ATP2C1: variants seen among roughly 807,000 people sequenced by gnomAD.
The protein encoded by ATP2C1 is ATPase secretory pathway Ca2+ transporting 1, also known as calcium-transporting ATPase type 2C member 1.
Under a neutral mutation model 120.5 loss-of-function variants are expected in ATP2C1, and 31 were observed. The observed-to-expected ratio is 0.26, with a 90% CI of 0.19 to 0.35. The LOEUF is 0.35. Among genes scored for constraint, ATP2C1 ranks in the 10% least tolerant of loss-of-function variants. ATP2C1 has a pLI of 1.00. For missense variants in ATP2C1, 731 were observed against 1,107.5 expected (o/e 0.66, Z 4.83); for synonymous variants, 351 against 358.7 (o/e 0.98, Z 0.24).
chr3:130,937,620 A>C (rs1011759924), intron 6 of ATP2C1, among the ~76,000 whole-genome samples, 157 bp downstream of exon 6: 2 of 152,184 alleles, frequency 1.3e-5, no homozygotes, highest in Non-Finnish European at 2.9e-5. Context: ...ACAACTCTTC[A>C]GGGAAGCTTG....
At chr3:130,931,649 G>C (rs1446732702) in intron 3 of ATP2C1, among the ~76,000 whole-genome samples, 1 of 151,970 alleles carries the variant, frequency 6.6e-6, no homozygotes, top group Non-Finnish European at 1.5e-5. Context: ...AATTTTGTTT[G>C]TTTGGTAAAC....
In ATP2C1 at chr3:131,001,827, T is replaced by C; in HGVS notation, c.*477T>C. On this transcript the variant is annotated 3_prime_UTR_variant, in exon 28 of 28. Transcript: ENST00000510168. ...CCCAGGAGTGCCATATTTCAGCTAC[T>C]GTATTTCCTTTTTCTTGTAATGTAA... 1 of 986,176 alleles carries C rather than the reference T, an allele frequency of 1.0e-6. No homozygotes were observed. Among genetic ancestry groups the C allele is most frequent in the Non-Finnish European group, 1.2e-6 (1 of 830,214 alleles). The allele number at this position is 986,176 out of a possible 1,614,324, so 61.1% of individuals were successfully genotyped here. A position where few individuals can be genotyped will look rare whatever the true frequency, so the allele number is the denominator to read the frequency against.
chr3:131,002,232 A>C lies in ATP2C1; in HGVS notation c.*882A>C. ...TCAAATATCATTTTGTCATCCTCTA[A>C]ATATAAATCCAAATACCTCAGCTAA... On this transcript the variant is annotated 3_prime_UTR_variant, in exon 28 of 28. Coordinates refer to ENST00000510168, the MANE Select transcript of ATP2C1 (RefSeq NM_001378687.1). 1 of 967,376 alleles carries C rather than the reference A, an allele frequency of 1.0e-6. No individual in the cohort carries two copies. The highest frequency in any genetic ancestry group is 1.8e-5 in the African/African-American group (1 of 56,994). The allele number at this position is 967,376 out of a possible 1,614,324, so 59.9% of individuals were successfully genotyped here.
At chr3:130,914,315 TTTTG>T (rs1377653351) in intron 2 of ATP2C1, 2 of 151,564 alleles carry the variant, frequency 1.3e-5, no homozygotes, top group African/African-American at 2.4e-5. Context: ...ATATAGGTTT[TTTTG>T]TTTGTTTTTT....
intron 1 of ATP2C1, among the ~76,000 whole-genome samples, chr3:130,861,463 A>C (rs1420568596): frequency 6.6e-6 from 1 of 152,156 alleles, no homozygotes; most frequent in Admixed American, 6.5e-5. Flanking sequence ...GAGAAGATCA[A>C]TGTTCCAGTT....
Position 131,002,136 on chromosome 3 carries a change from C to CTGAT in ATP2C1, c.*789_*792dup. ...GTCATAGAGTCAAAAACATTTAAGACTGATTGGGTTGAAGTTTATAATAAA... is the reference window on the plus strand; with the variant it reads ...GTCATAGAGTCAAAAACATTTAAGACTGATTGATTGGGTTGAAGTTTATAATAAA... On this transcript the variant is annotated 3_prime_UTR_variant, in exon 28 of 28. Transcript: ENST00000510168. 1.0e-6 allele frequency: 1 copy of CTGAT among 984,234 alleles called. No homozygotes were observed. The highest frequency in any genetic ancestry group is 1.2e-6 in the Non-Finnish European group (1 of 828,896). 61.0% of individuals were successfully genotyped at this position (984,234 alleles called of 1,614,324 possible).
intron 26 of ATP2C1, among the ~76,000 whole-genome samples, chr3:130,998,910 A>G (rs1397644878): frequency 6.6e-6 from 1 of 152,176 alleles, no homozygotes; most frequent in Non-Finnish European, 1.5e-5. Context: ...ATAATGGGCT[A>G]GAGCTTTATG....
At chr3:130,976,615 T>C (rs1378494065) in intron 18 of ATP2C1, among the ~76,000 whole-genome samples, 1 of 152,164 alleles carries the variant, frequency 6.6e-6, no homozygotes. Flanking sequence ...CCCCTTTTAA[T>C]GTAAGAGGCT....
chr3:130,981,169 C>T (rs1373970460), intron 20 of ATP2C1, among the ~76,000 whole-genome samples: 2 of 152,084 alleles, frequency 1.3e-5, no homozygotes, highest in Non-Finnish European at 2.9e-5. Context: ...CCATCATCCC[C>T]CCAGATTATC....
upstream of ATP2C1, among the ~76,000 whole-genome samples, chr3:130,891,616 A>G (rs2069170295): frequency 6.6e-6 from 1 of 152,196 alleles, no homozygotes. Flanking sequence ...ATTGCCATCA[A>G]TCCCATTGTA....
chr3:130,960,605 G>T (rs1231456853), intron 12 of ATP2C1, among the ~76,000 whole-genome samples: 2 of 152,066 alleles, frequency 1.3e-5, no homozygotes, highest in Non-Finnish European at 2.9e-5. Context: ...TTCTTACCAG[G>T]TCACTAGGTG....
At chr3:130,911,180 C>A (rs199860264) in intron 2 of ATP2C1, among the ~76,000 whole-genome samples, 102,391 of 115,658 alleles carry the variant, frequency 0.89, 45,736 homozygotes, top group Non-Finnish European at 0.94. Context: ...GTCTTGGGAG[C>A]GTGTATGTGT....
chr3:130,895,530 A>G (rs1406029868), intron 2 of ATP2C1, among the ~76,000 whole-genome samples: 1 of 152,056 alleles, frequency 6.6e-6, no homozygotes, highest in Non-Finnish European at 1.5e-5. Context: ...CTGAAACAAC[A>G]CTTATTCTTT....
At chr3:130,998,055 A>T (rs1243732755) in intron 25 of ATP2C1, among the ~76,000 whole-genome samples, 1 of 152,176 alleles carries the variant, frequency 6.6e-6, no homozygotes, top group African/African-American at 2.4e-5. Context: ...TTTAAATAAT[A>T]ACAGTATTTT....
chr3:130,894,149 T>TCGC lies in ATP2C1; in HGVS notation c.-368_-367insGCC. On this transcript the variant is annotated 5_prime_UTR_variant, in exon 1 of 28. Coordinates refer to ENST00000510168, the MANE Select transcript of ATP2C1 (RefSeq NM_001378687.1). The surrounding 1 kb of genome is among the most constrained non-coding windows in gnomAD (Gnocchi z 4.5). ...ACGGGTCCCCTCACCTCCTCTTCTCTCCCCTCCCCGCCCGCCCTCTCTCCC... is the reference window on the plus strand; with the variant it reads ...ACGGGTCCCCTCACCTCCTCTTCTCTCGCCCCCTCCCCGCCCGCCCTCTCTCCC... The TCGC allele has an allele frequency of 2.9e-6, 2 of 694,856 alleles. No individual in the cohort carries two copies. The highest frequency in any genetic ancestry group is 3.5e-6 in the Non-Finnish European group (2 of 565,210). 43.0% of individuals were successfully genotyped at this position (694,856 alleles called of 1,614,324 possible).
chr3:131,014,175 G>C (rs867392743), intron 26 of ATP2C1: 1 of 1,613,164 alleles, frequency 6.2e-7, no homozygotes, highest in Non-Finnish European at 8.5e-7. Flanking sequence ...TCTGTTCTTA[G>C]AACAGCTGGT....
In ATP2C1 at chr3:130,994,600, C is replaced by T. The variant is rs187760549; in HGVS notation, c.2057+502C>T. ...GTTGATTTAAGACTCCAGTGTAATA[C>T]ATGGTGGTGTCAGTTTCACAGTGTT... On this transcript the variant is annotated intron_variant, in intron 22 of 27. Coordinates refer to ENST00000510168, the MANE Select transcript of ATP2C1 (RefSeq NM_001378687.1). Among the ~76,000 whole-genome samples, 24 of 152,214 alleles carry T rather than the reference C, an allele frequency of 1.6e-4. No individual in the cohort carries two copies. The East Asian group carries it at 4.2e-3, about 27-fold the overall frequency.
chr3:130,980,100 A>C (rs535380794), intron 19 of ATP2C1, among the ~76,000 whole-genome samples: 98 of 152,188 alleles, frequency 6.4e-4, no homozygotes, highest in Non-Finnish European at 1.2e-3. Flanking sequence ...GTATAACTAC[A>C]TGATTACCAC....
At chr3:130,920,330 T>G (rs1249710566) in intron 2 of ATP2C1, among the ~76,000 whole-genome samples, 2 of 152,226 alleles carry the variant, frequency 1.3e-5, no homozygotes, top group Non-Finnish European at 2.9e-5. Context: ...TTAGGTTTAT[T>G]AAATCATTTT....
Sources: allele counts gnomAD v4.1 joint callset (sites outside exome capture counted in the v4.1 genomes callset), GRCh38; gene constraint gnomAD v4.1.1; non-coding constraint Gnocchi (gnomAD v3.1); transcripts MANE v1.5; gene names NCBI Gene and HGNC (gene_info 2026-07-23, HGNC 2026-07-21).